Variants in RBM18 observed in about 807,000 individuals in gnomAD.
The protein encoded by RBM18 is probable RNA-binding protein 18.
In RBM18, 18 loss-of-function variants were observed where a neutral mutation model predicts 26.4. That is an observed-to-expected ratio of 0.68 (90% confidence interval 0.47 to 1.01). The LOEUF (loss-of-function observed/expected upper bound fraction) is 1.01. Ranked by LOEUF, RBM18 falls within the 50% of genes least tolerant of loss-of-function variation. RBM18 has a pLI of 0.00. For missense variants in RBM18, 180 were observed against 219.2 expected (o/e 0.82, Z 1.13); for synonymous variants, 74 against 81.1 (o/e 0.91, Z 0.47).
chr9:122,245,988 T>C (rs1231705872), intron 4 of RBM18, among the ~76,000 whole-genome samples: 1 of 152,054 alleles, frequency 6.6e-6, no homozygotes, highest in Non-Finnish European at 1.5e-5. Flanking sequence ...CCAGACCCTA[T>C]CTCAAAAAAC....
chr9:122,246,601 T>C (rs1831509436), intron 4 of RBM18, among the ~76,000 whole-genome samples: 1 of 152,250 alleles, frequency 6.6e-6, no homozygotes, highest in Non-Finnish European at 1.5e-5. Context: ...GCTCTGTGAT[T>C]ACCTGAAATA....
At chr9:122,260,444 C>T (rs1022891925) in intron 2 of RBM18, among the ~76,000 whole-genome samples, 2 of 152,226 alleles carry the variant, frequency 1.3e-5, no homozygotes, top group African/African-American at 4.8e-5. Flanking sequence ...CCAACCACCA[C>T]CCTCCCTCTA....
rs1166623274 is a variant in RBM18, at chr9:122,256,832, C to T, written c.113+4548G>A. The stretch of plus-strand genomic sequence containing the variant: ...GTTTTAAGGGGTTATGTAAGACAGA[C>T]TCATGCAGTCTAGAGCTAGAAGTAA... On this transcript the variant is annotated intron_variant, in intron 2 of 5. Coordinates refer to ENST00000417201, the MANE Select transcript of RBM18 (RefSeq NM_033117.4). Among the ~76,000 whole-genome samples, 14 of 152,176 alleles carry T rather than the reference C, an allele frequency of 9.2e-5. 1 individual carries two copies. The highest frequency in any genetic ancestry group is 2.9e-5 in the Non-Finnish European group (2 of 68,036).
chr9:122,253,019 C>T (rs372713563), intron 2 of RBM18, among the ~76,000 whole-genome samples: 13 of 152,132 alleles, frequency 8.5e-5, no homozygotes, highest in East Asian at 1.9e-4. Flanking sequence ...TGGCATCCTC[C>T]GTGCTATTCA....
intron 2 of RBM18, among the ~76,000 whole-genome samples, chr9:122,256,356 C>T (rs934961807): frequency 2.6e-5 from 4 of 152,150 alleles, no homozygotes; most frequent in African/African-American, 9.7e-5. Flanking sequence ...CTTCTATTAG[C>T]GTTTCTATGG....
intron 4 of RBM18, among the ~76,000 whole-genome samples, chr9:122,247,023 A>G (rs1451867590): frequency 4.6e-5 from 7 of 152,128 alleles, no homozygotes; most frequent in Non-Finnish European, 1.5e-5. Flanking sequence ...CAGACACTGC[A>G]AAGTCCCACG....
intron 5 of RBM18, 58 bp from the exon 6 acceptor site, chr9:122,242,101 T>C: frequency 6.5e-7 from 1 of 1,539,414 alleles, no homozygotes; most frequent in Non-Finnish European, 8.9e-7. Flanking sequence ...AAAATAGCTG[T>C]ACAGTTCCTC....
chr9:122,253,149 G>C, intron 2 of RBM18, among the ~76,000 whole-genome samples: 1 of 152,274 alleles, frequency 6.6e-6, no homozygotes, highest in African/African-American at 2.4e-5. Flanking sequence ...TAAAGTTGTC[G>C]TTATAGCCAC....
rs1831366446 is a variant in RBM18, at chr9:122,238,688, A to T, written c.*3196T>A. The T allele has an allele frequency of 6.6e-6, 1 of 152,242 alleles. No individual in the cohort carries two copies. Among genetic ancestry groups the T allele is most frequent in the Admixed American group, 6.5e-5 (1 of 15,280 alleles). 9.4% of individuals were successfully genotyped at this position (152,242 alleles called of 1,614,324 possible). ...TCATTAGGGCCTTACAGATCTTTCA[A>T]TTTTTTCTAGGCTGTGATGGAAAGC... On this transcript the variant is annotated 3_prime_UTR_variant, in exon 6 of 6. Transcript: ENST00000417201.
chr9:122,242,639 G>A (rs1004433350), intron 5 of RBM18, among the ~76,000 whole-genome samples: 8 of 151,408 alleles, frequency 5.3e-5, no homozygotes, highest in Non-Finnish European at 1.2e-4. Context: ...CAATGAGCCA[G>A]GCACAGTGCA....
At chr9:122,248,397 C>T (rs1831540787) in intron 3 of RBM18, among the ~76,000 whole-genome samples, 1 of 152,110 alleles carries the variant, frequency 6.6e-6, no homozygotes, top group Non-Finnish European at 1.5e-5. Flanking sequence ...AGAAACTGTA[C>T]TCCCCGCAAG....
chr9:122,247,621 CA>C lies in RBM18; in HGVS notation c.241-18del. 6.2e-7 allele frequency: 1 copy of C among 1,605,652 alleles called. No individual in the cohort carries two copies. Among genetic ancestry groups the C allele is most frequent in the South Asian group, 1.1e-5 (1 of 90,894 alleles). ...CTCTGCTTCCTGTCCAGGAAAGGGA[CA>C]AATGTTAGTTAAAAACTGAAATGCT... On this transcript the variant is annotated intron_variant, in intron 3 of 5. Coordinates refer to ENST00000417201, the MANE Select transcript of RBM18 (RefSeq NM_033117.4).
intron 3 of RBM18, among the ~76,000 whole-genome samples, chr9:122,249,600 T>C (rs1291586247): frequency 2.0e-5 from 3 of 151,492 alleles, no homozygotes; most frequent in Non-Finnish European, 2.9e-5. Flanking sequence ...TCCCAACTAC[T>C]TGGGAGGCTG....
chr9:122,245,421 T>G, intron 4 of RBM18, 80 bp from the exon 5 acceptor site: 1 of 801,884 alleles, frequency 1.2e-6, no homozygotes, highest in South Asian at 1.4e-5. Context: ...CAGAAACTAA[T>G]ACCATCAGTA....
rs568579916 is a variant in RBM18 at position 122,244,789 on chromosome 9, ATAAC to A, written c.413+463_413+466del. ...TTAGTTCTCCTGTTTTAAACTTCAA[ATAAC>A]TAACAATTTGTACAAACTAGAACCA... On this transcript the variant is annotated intron_variant, in intron 5 of 5. Coordinates refer to ENST00000417201, the MANE Select transcript of RBM18 (RefSeq NM_033117.4). 1.1e-4 allele frequency among the ~76,000 whole-genome samples: 16 copies of A among 152,364 alleles called. No individual in the cohort carries two copies. In the East Asian group the frequency reaches 3.1e-3, roughly 29 times the overall value.
rs150960955 is a variant in RBM18, at chr9:122,256,558, T to C, written c.114-4585A>G. On this transcript the variant is annotated intron_variant, in intron 2 of 5. Coordinates refer to ENST00000417201, the MANE Select transcript of RBM18 (RefSeq NM_033117.4). The stretch of plus-strand genomic sequence containing the variant: ...TCTTTGTGGATGGCACTTATAATGA[T>C]ATTCAGAGGTATTGTTTATGCTTAC... Among the ~76,000 whole-genome samples the C allele has an allele frequency of 5.9e-5, 9 of 152,350 alleles. No individual in the cohort carries two copies. The East Asian group carries it at 1.7e-3, about 29-fold the overall frequency.
At chr9:122,258,258 G>GTTCTTTCTTTCT (rs111604544) in intron 2 of RBM18, among the ~76,000 whole-genome samples, 45 of 152,004 alleles carry the variant, frequency 3.0e-4, no homozygotes, top group African/African-American at 1.0e-3. Flanking sequence ...ATGATTGGTA[G>GTTCTTTCTTTCT]TTCTTTCTTT....
chr9:122,254,657 G>A (rs1263530532), intron 2 of RBM18, among the ~76,000 whole-genome samples: 1 of 152,180 alleles, frequency 6.6e-6, no homozygotes, highest in Admixed American at 6.5e-5. Flanking sequence ...TCTGCCTAAT[G>A]GCACAGAAAT....
At chr9:122,262,382 C>G (rs1475918799) in intron 1 of RBM18, among the ~76,000 whole-genome samples, 2 of 152,040 alleles carry the variant, frequency 1.3e-5, no homozygotes, top group Admixed American at 1.3e-4. Context: ...GTTAATACAC[C>G]TAGAGCATTT....
Sources: gnomAD v4.1 joint callset for allele counts (sites outside exome capture counted in the v4.1 genomes callset) on GRCh38, gnomAD v4.1.1 for gene constraint, MANE v1.5 for transcripts, NCBI Gene and HGNC (gene_info 2026-07-23, HGNC 2026-07-21) for gene names.